Variants in CSMD1 observed in about 807,000 individuals in gnomAD.
CSMD1 encodes the protein CUB and sushi domain-containing protein 1.
Under a neutral mutation model 417.5 loss-of-function variants are expected in CSMD1, and 213 were observed. That is an observed-to-expected ratio of 0.51 (90% CI 0.46 to 0.57). The LOEUF (loss-of-function observed/expected upper bound fraction) is 0.57, where lower values mean the gene tolerates loss of function less well. Ranked by LOEUF, CSMD1 falls within the 20% of genes least tolerant of loss-of-function variation. CSMD1 has a pLI of 0.00. For missense variants in CSMD1, 6,923 were observed against 4,529.7 expected, an observed-to-expected ratio of 1.53 and a Z score of -15.17; for synonymous variants, 2,862 against 1,736.8, an observed-to-expected ratio of 1.65 and a Z score of -16.11.
At chr8:4,020,760 T>C (rs977640839) in intron 4 of CSMD1, among the ~76,000 whole-genome samples, 1 of 152,268 alleles carries the variant, frequency 6.6e-6, no homozygotes, top group African/African-American at 2.4e-5. Context: ...ACGTCATTAC[T>C]TCCAACCTTG....
chr8:3,458,887 T>G (rs1161345373), intron 12 of CSMD1, among the ~76,000 whole-genome samples: 1 of 152,148 alleles, frequency 6.6e-6, no homozygotes, highest in Non-Finnish European at 1.5e-5. Context: ...ACTGTTACCT[T>G]AGCTAAAAAG....
At chr8:4,296,444 G>C (rs1239937010) in intron 3 of CSMD1, among the ~76,000 whole-genome samples, 1 of 152,026 alleles carries the variant, frequency 6.6e-6, no homozygotes, top group Non-Finnish European at 1.5e-5. Context: ...CATGGCATTT[G>C]GACTCATGGC....
At chr8:3,152,629 C>G (rs1038308307) in intron 39 of CSMD1, among the ~76,000 whole-genome samples, 1 of 152,142 alleles carries the variant, frequency 6.6e-6, no homozygotes, top group Non-Finnish European at 1.5e-5. Flanking sequence ...TTCTGGATTT[C>G]AAACATTGTA....
chr8:4,333,948 G>C (rs1012506332), intron 3 of CSMD1, among the ~76,000 whole-genome samples: 1 of 152,106 alleles, frequency 6.6e-6, no homozygotes, highest in Non-Finnish European at 1.5e-5. Flanking sequence ...CTGGAGGGCA[G>C]TGACACCATC....
At chr8:3,065,237 TAGAA>T (rs1380852531) in intron 49 of CSMD1, among the ~76,000 whole-genome samples, 4 of 151,898 alleles carry the variant, frequency 2.6e-5, no homozygotes, top group Admixed American at 2.0e-4. Flanking sequence ...ATAGAGTAGA[TAGAA>T]AGATAGGAAC....
intron 38 of CSMD1, 126 bp from the exon 39 acceptor site, chr8:3,158,092 T>C (rs1819646889): frequency 5.2e-6 from 4 of 774,020 alleles, no homozygotes; most frequent in Admixed American, 2.6e-5. Flanking sequence ...AATTCAAAAA[T>C]TGTGAAATCT....
intron 1 of CSMD1, among the ~76,000 whole-genome samples, chr8:4,813,313 G>A (rs955490502): frequency 5.9e-5 from 9 of 152,024 alleles, no homozygotes; most frequent in African/African-American, 2.2e-4. Context: ...CAGAGCCGGG[G>A]CTGTGATGAG....
chr8:4,125,821 C>T (rs978173875), intron 3 of CSMD1, among the ~76,000 whole-genome samples: 1 of 152,272 alleles, frequency 6.6e-6, no homozygotes, highest in Middle Eastern at 3.4e-3. Context: ...AAGAAGACCC[C>T]CATCTTACCT....
intron 52 of CSMD1, among the ~76,000 whole-genome samples, chr8:3,012,297 T>C (rs1363896172): frequency 2.0e-5 from 3 of 152,142 alleles, no homozygotes; most frequent in Non-Finnish European, 4.4e-5. Context: ...GTGTAGAAAA[T>C]CATCTTTTCT....
intron 2 of CSMD1, among the ~76,000 whole-genome samples, chr8:4,451,147 G>A (rs12544832): frequency 0.14 from 20,764 of 152,050 alleles, 1,835 homozygotes; most frequent in South Asian, 0.27. Flanking sequence ...GGGCAACACA[G>A]TAAGACCCTG....
chr8:3,591,479 A>G (rs939993314), intron 8 of CSMD1, among the ~76,000 whole-genome samples: 3 of 152,204 alleles, frequency 2.0e-5, no homozygotes, highest in Admixed American at 6.5e-5. Context: ...AAACATTGGT[A>G]TCATAACTAT....
intron 2 of CSMD1, among the ~76,000 whole-genome samples, chr8:4,479,666 T>A (rs1023284524): frequency 5.9e-5 from 9 of 152,000 alleles, no homozygotes; most frequent in African/African-American, 2.2e-4. Context: ...GAGATCCAGG[T>A]GGGTAGACCA....
At position 3,756,545 on chromosome 8, in the gene CSMD1, A is replaced by C. The variant is rs1191780320; in HGVS notation, c.819-2503T>G. On this transcript the variant is annotated intron_variant, in intron 5 of 69. Coordinates refer to ENST00000635120, the MANE Select transcript of CSMD1 (RefSeq NM_033225.6). Reference sequence around the variant, plus strand: ...CCACATCAGATACGATCCTAATGTAAAATATATACATAGCTAATAGTATCC... The same window carrying C: ...CCACATCAGATACGATCCTAATGTACAATATATACATAGCTAATAGTATCC... 2.0e-5 allele frequency among the ~76,000 whole-genome samples: 3 copies of C among 152,270 alleles called. No homozygotes were observed. In the East Asian group the frequency reaches 5.8e-4, roughly 29 times the overall value.
intron 5 of CSMD1, among the ~76,000 whole-genome samples, chr8:3,954,732 C>T (rs752416114): frequency 6.6e-6 from 1 of 152,234 alleles, no homozygotes; most frequent in Non-Finnish European, 1.5e-5. Flanking sequence ...CCCGCATGCG[C>T]AGAGCCCTCC....
At chr8:4,515,351 G>A (rs993371832) in intron 2 of CSMD1, among the ~76,000 whole-genome samples, 1 of 152,124 alleles carries the variant, frequency 6.6e-6, no homozygotes, top group African/African-American at 2.4e-5. Flanking sequence ...TCGCTTGATA[G>A]GTGCCATGAC....
chr8:2,961,393 T>A (rs1803468560), intron 61 of CSMD1, among the ~76,000 whole-genome samples, 179 bp from the exon 62 acceptor site: 1 of 152,310 alleles, frequency 6.6e-6, no homozygotes, highest in Non-Finnish European at 1.5e-5. Flanking sequence ...TCAAGACATG[T>A]TTTTTAGATG....
intron 5 of CSMD1, among the ~76,000 whole-genome samples, chr8:3,849,133 G>T (rs911500007): frequency 1.3e-5 from 2 of 152,088 alleles, no homozygotes; most frequent in Non-Finnish European, 2.9e-5. Flanking sequence ...AGACAAGGAA[G>T]CCTAGGATGA....
intron 3 of CSMD1, among the ~76,000 whole-genome samples, chr8:4,355,078 T>C (rs536715665): frequency 1.1e-4 from 16 of 151,780 alleles, no homozygotes; most frequent in African/African-American, 2.2e-4. Flanking sequence ...CTGGCTAACA[T>C]GGTGAAACCC....
At chr8:3,792,703 C>A (rs1799819133) in intron 5 of CSMD1, among the ~76,000 whole-genome samples, 1 of 152,150 alleles carries the variant, frequency 6.6e-6, no homozygotes, top group African/African-American at 2.4e-5. Flanking sequence ...CTAAAATTGA[C>A]ACAGTCAAGT....
Sources: allele counts gnomAD v4.1 joint callset (sites outside exome capture counted in the v4.1 genomes callset), GRCh38; gene constraint gnomAD v4.1.1; transcripts MANE v1.5; gene names NCBI Gene and HGNC (gene_info 2026-07-23, HGNC 2026-07-21).